The following TMEM59 variants were observed in gnomAD, a reference collection of about 807,000 sequenced individuals.
TMEM59 encodes the protein dendritic cell factor 1.
In TMEM59, 44 loss-of-function variants were observed where a neutral mutation model predicts 42.2. The ratio of observed to expected loss-of-function variants is 1.04; its 90% CI spans 0.82 to 1.34. The LOEUF (loss-of-function observed/expected upper bound fraction) is 1.34, where lower values mean the gene tolerates loss of function less well. Ranked by LOEUF, TMEM59 falls within the 40% of genes most tolerant of loss-of-function variation. The probability of loss-of-function intolerance (pLI) is 0.00; values close to 1 mark genes in which losing one functional copy is unlikely to be tolerated. For missense variants in TMEM59, 359 were observed against 382.8 expected, an observed-to-expected ratio of 0.94 and a Z score of 0.52; for synonymous variants, 148 against 145.8, an observed-to-expected ratio of 1.02 and a Z score of -0.11.
At chr1:54,050,566 C>CT (rs1553168062) in intron 1 of TMEM59, among the ~76,000 whole-genome samples, 3,137 of 141,420 alleles carry the variant, frequency 0.022, 43 homozygotes, top group African/African-American at 0.048. Flanking sequence ...AAATATGTTT[C>CT]TTTTTTTTTT....
chr1:54,034,084 A>G (rs1291198010), intron 7 of TMEM59: 2 of 142,902 alleles, frequency 1.4e-5, no homozygotes, highest in Admixed American at 7.7e-5. Context: ...GCACCACTGC[A>G]CTCTAGCCTG....
intron 5 of TMEM59, 151 bp downstream of exon 5, chr1:54,041,573 C>G (rs1362751107): frequency 9.1e-6 from 5 of 547,470 alleles, no homozygotes; most frequent in Non-Finnish European, 6.2e-6. Flanking sequence ...AACAAGCTCT[C>G]CAAACTGTAA....
chr1:54,050,456 T>G (rs189480192), intron 1 of TMEM59, among the ~76,000 whole-genome samples: 47 of 151,798 alleles, frequency 3.1e-4, no homozygotes, highest in Admixed American at 2.8e-3. Flanking sequence ...TTTCAAACGC[T>G]ATGTGAGTTT....
At chr1:54,051,324 A>T (rs1028829903) in intron 1 of TMEM59, among the ~76,000 whole-genome samples, 1 of 152,156 alleles carries the variant, frequency 6.6e-6, no homozygotes, top group African/African-American at 2.4e-5. Flanking sequence ...TTGTTGTGAG[A>T]ATTAGGGATA....
At chr1:54,048,786 C>T in intron 1 of TMEM59, 1 of 301,594 alleles carries the variant, frequency 3.3e-6, no homozygotes, top group Non-Finnish European at 7.2e-6. Flanking sequence ...GCAGCAGCAA[C>T]AATCCATCAA....
intron 1 of TMEM59, among the ~76,000 whole-genome samples, chr1:54,049,750 A>T (rs574709121): frequency 4.6e-5 from 7 of 152,322 alleles, no homozygotes; most frequent in Admixed American, 4.6e-4. Context: ...AGGTCAAGAC[A>T]TAAGGACCCA....
intron 1 of TMEM59, 80 bp downstream of exon 1, chr1:54,052,920 T>C (rs1221626296): frequency 6.7e-7 from 1 of 1,488,090 alleles, no homozygotes; most frequent in Non-Finnish European, 9.1e-7. Flanking sequence ...ACAGCCAGGT[T>C]GCCAGAGCCG....
intron 1 of TMEM59, among the ~76,000 whole-genome samples, chr1:54,052,628 C>T (rs936211084): frequency 2.0e-5 from 3 of 152,132 alleles, no homozygotes; most frequent in African/African-American, 7.2e-5. Flanking sequence ...CGCGTATCTG[C>T]GCCTCCCTTT....
At chr1:54,034,809 T>G (rs1656892784) in intron 7 of TMEM59, 1 of 152,136 alleles carries the variant, frequency 6.6e-6, no homozygotes, top group South Asian at 2.1e-4. Flanking sequence ...GTTGATGGGT[T>G]GGACGTGGAT....
intron 1 of TMEM59, among the ~76,000 whole-genome samples, chr1:54,048,905 A>G (rs1314819553): frequency 1.3e-5 from 2 of 152,244 alleles, no homozygotes; most frequent in Admixed American, 6.5e-5. Context: ...ATGAAATTGA[A>G]AGAATTTTAA....
At chr1:54,043,942 A>G (rs1657232890) in intron 3 of TMEM59, 1 of 152,270 alleles carries the variant, frequency 6.6e-6, no homozygotes, top group South Asian at 2.1e-4. Context: ...GGAAAAGAGA[A>G]CGGAAAAAAT....
At position 54,028,655 on chromosome 1, in the gene TMEM59, T is replaced by C. The variant is rs981480404; in HGVS notation, c.*3495A>G. On this transcript the variant is annotated 3_prime_UTR_variant, in exon 8 of 8. Transcript: ENST00000234831. ...CTGCTCTCTATATTGTGTTTGGCGT[T>C]CCCTTTTTCTCCAGGTTTAAGCTTG... 1.3e-5 allele frequency: 2 copies of C among 152,396 alleles called. No individual in the cohort carries two copies. The highest frequency in any genetic ancestry group is 4.8e-5 in the African/African-American group (2 of 41,452). 9.4% of individuals were successfully genotyped at this position (152,396 alleles called of 1,614,324 possible). A position where few individuals can be genotyped will look rare whatever the true frequency, so the allele number is the denominator to read the frequency against.
intron 7 of TMEM59, chr1:54,033,799 C>T (rs1389887860): frequency 1.3e-5 from 2 of 151,756 alleles, no homozygotes; most frequent in African/African-American, 2.4e-5. Context: ...ATAAAGAGCA[C>T]CTTCAAGAGT....
At chr1:54,052,941 G>T in intron 1 of TMEM59, 59 bp downstream of exon 1, 2 of 1,552,920 alleles carry the variant, frequency 1.3e-6, no homozygotes, top group South Asian at 1.2e-5. Context: ...ACATACGTGT[G>T]GGGAGCCGAG....
Position 54,032,275 on chromosome 1 carries a change from T to C in TMEM59, c.847A>G (p.Met283Val). The C allele has an allele frequency of 6.2e-7, 1 of 1,610,492 alleles. No homozygotes were observed. Among genetic ancestry groups the C allele is most frequent in the Non-Finnish European group, 8.5e-7 (1 of 1,177,930 alleles). Residue 283 changes from methionine (M) to valine (V), a missense_variant, in exon 8 of 8, where the codon ATG (methionine) becomes GTG (valine). Met to Val is a conservative substitution (Grantham distance 21). Transcript: ENST00000234831. ...KLSIYGDLEF[M>V]NEQKLNRYPA... ...TATCTGTTTAGCTTTTGTTCATTCA[T>C]AAACTCCAAGTCACCATAGATACTC...
Position 54,026,778 on chromosome 1 carries a change from G to A in TMEM59, c.*5372C>T, listed in dbSNP as rs980477192. On this transcript the variant is annotated 3_prime_UTR_variant, in exon 8 of 8. Transcript: ENST00000234831. ...GTAGCACCAATAATGGTGGCATGAT[G>A]GTACACCTGGAGGTAACATTATCAA... 6.6e-6 allele frequency: 1 copy of A among 151,984 alleles called. No homozygotes were observed. The highest frequency in any genetic ancestry group is 2.4e-5 in the African/African-American group (1 of 41,422). The allele number at this position is 151,984 out of a possible 1,614,324, so 9.4% of individuals were successfully genotyped here. A position where few individuals can be genotyped will look rare whatever the true frequency, so the allele number is the denominator to read the frequency against.
chr1:54,037,699 ATTGT>A (rs1220773267), intron 6 of TMEM59, among the ~76,000 whole-genome samples: 2 of 152,238 alleles, frequency 1.3e-5, no homozygotes, highest in African/African-American at 2.4e-5. Context: ...AAGCACAGTC[ATTGT>A]TTGTCTGCCA....
In TMEM59 at chr1:54,030,101, C is replaced by T. The variant is rs1253968769; in HGVS notation, c.*2049G>A. On this transcript the variant is annotated 3_prime_UTR_variant, in exon 8 of 8. Transcript: ENST00000234831. The stretch of plus-strand genomic sequence containing the variant: ...TTCAGGAAGCGAAGAGAAATGAAAC[C>T]AAGGGAAGGTGGAGAATATAGGACA... The T allele has an allele frequency of 2.7e-5, 4 of 150,374 alleles. No individual in the cohort carries two copies. The highest frequency in any genetic ancestry group is 2.6e-4 in the Admixed American group (4 of 15,138). 9.3% of individuals were successfully genotyped at this position (150,374 alleles called of 1,614,324 possible). A position where few individuals can be genotyped will look rare whatever the true frequency, so the allele number is the denominator to read the frequency against.
intron 1 of TMEM59, 84 bp downstream of exon 1, chr1:54,052,916 A>T: frequency 6.8e-7 from 1 of 1,464,550 alleles, no homozygotes; most frequent in Non-Finnish European, 9.3e-7. Flanking sequence ...TTTAACAGCC[A>T]GGTTGCCAGA....
Sources: allele counts gnomAD v4.1 joint callset (sites outside exome capture counted in the v4.1 genomes callset), GRCh38; gene constraint gnomAD v4.1.1; transcripts MANE v1.5; gene names NCBI Gene and HGNC (gene_info 2026-07-23, HGNC 2026-07-21).